Variants in EVA1A observed in about 807,000 individuals in gnomAD.
EVA1A encodes the protein eva-1 homolog A, regulator of programmed cell death, also known as protein eva-1 homolog A.
In EVA1A, 7 loss-of-function variants were observed where a neutral mutation model predicts 9.8. The observed-to-expected ratio is 0.71, with a 90% CI of 0.41 to 1.34. The LOEUF is 1.34. EVA1A is among the 40% of genes most tolerant of loss of function. The pLI is 0.01. For missense variants in EVA1A, 206 were observed against 205.9 expected, an observed-to-expected ratio of 1.00 and a Z score of 0.00; for synonymous variants, 90 against 85.6, an observed-to-expected ratio of 1.05 and a Z score of -0.28.
At position 75,497,751 on chromosome 2, in the gene EVA1A, T is replaced by C. The variant is rs553995562; in HGVS notation, c.86-4142A>G. 2.1e-5 allele frequency among the ~76,000 whole-genome samples: 3 copies of C among 145,394 alleles called. No individual in the cohort carries two copies. The South Asian group carries it at 6.5e-4, about 31-fold the overall frequency. Reference sequence around the variant, plus strand: ...CTGTAGTCCCAGCTACTTCTGGGGCTGAGGCAGGAGGATCGCTTGAGCCAG... The same window carrying C: ...CTGTAGTCCCAGCTACTTCTGGGGCCGAGGCAGGAGGATCGCTTGAGCCAG... On this transcript the variant is annotated intron_variant, in intron 3 of 3. Transcript: ENST00000393913.
Position 75,515,556 on chromosome 2 carries a change from A to C in EVA1A, c.85+2500T>G, listed in dbSNP as rs1572958584. Reference sequence around the variant, plus strand: ...TTGCCCAAAGAGAAATCCAATCAGAACCTTAGTCCCCTTCTTTTTACATAA... The same window carrying C: ...TTGCCCAAAGAGAAATCCAATCAGACCCTTAGTCCCCTTCTTTTTACATAA... On this transcript the variant is annotated intron_variant, in intron 3 of 3. Coordinates refer to ENST00000393913, the MANE Select transcript of EVA1A (RefSeq NM_001135032.2). 3.3e-5 allele frequency among the ~76,000 whole-genome samples: 5 copies of C among 152,284 alleles called. No individual in the cohort carries two copies. The South Asian group carries it at 8.3e-4, about 25-fold the overall frequency.
At chr2:75,564,703 G>A (rs936342279), upstream of EVA1A, among the ~76,000 whole-genome samples, 3 of 152,168 alleles carry the variant, frequency 2.0e-5, no homozygotes, top group Non-Finnish European at 4.4e-5. Context: ...TGACACCACT[G>A]AGCACCACCG....
rs187520041 is a variant in EVA1A at position 75,530,758 on chromosome 2, T to C, written c.-191-8271A>G. Reference sequence around the variant, plus strand: ...AGCATGGTAGGGACATACCTTAAGGTAATAAAAGCCATCTATGACAAACTC... The same window carrying C: ...AGCATGGTAGGGACATACCTTAAGGCAATAAAAGCCATCTATGACAAACTC... On this transcript the variant is annotated intron_variant, in intron 1 of 3. Coordinates refer to ENST00000393913, the MANE Select transcript of EVA1A (RefSeq NM_001135032.2). Among the ~76,000 whole-genome samples, 790 of 152,222 alleles carry C rather than the reference T, an allele frequency of 5.2e-3. 6 individuals carry two copies. The highest frequency in any genetic ancestry group is 0.01 in the Middle Eastern group (3 of 294).
intron 3 of EVA1A, among the ~76,000 whole-genome samples, chr2:75,498,226 G>A (rs1674282159): frequency 6.6e-6 from 1 of 151,484 alleles, no homozygotes. Flanking sequence ...AATTCACACA[G>A]GAATAGAAAA....
chr2:75,566,493 T>A (rs1305929247), intron 1 of EVA1A, among the ~76,000 whole-genome samples: 1 of 152,198 alleles, frequency 6.6e-6, no homozygotes, highest in Non-Finnish European at 1.5e-5. Flanking sequence ...CACAGCTAAG[T>A]TTCCACATGT....
In EVA1A at chr2:75,493,207, T is replaced by C. The variant is rs368241060; in HGVS notation, c.*29A>G. ...CAGACGCTCTCCTTTCCAGGCGGCC[T>C]CCAGTGGTTTCCGGGGTCCTGCTGC... On this transcript the variant is annotated 3_prime_UTR_variant, in exon 4 of 4. Transcript: ENST00000393913. The C allele has an allele frequency of 5.7e-6, 9 of 1,584,284 alleles. No homozygotes were observed. The African/African-American group carries it at 1.2e-4, about 21-fold the overall frequency.
intron 1 of EVA1A, among the ~76,000 whole-genome samples, chr2:75,537,722 G>T (rs1412349234): frequency 6.6e-6 from 1 of 152,154 alleles, no homozygotes; most frequent in Admixed American, 6.5e-5. Context: ...TGCCCTTGTG[G>T]TAATGAGTGG....
At chr2:75,551,386 T>C (rs993119363) in intron 1 of EVA1A, among the ~76,000 whole-genome samples, 5 of 152,222 alleles carry the variant, frequency 3.3e-5, no homozygotes, top group African/African-American at 9.7e-5. Context: ...AATTTCCAAA[T>C]CCGTGAACAT....
intron 1 of EVA1A, among the ~76,000 whole-genome samples, chr2:75,537,795 T>A (rs1322346391): frequency 6.6e-6 from 1 of 152,176 alleles, no homozygotes; most frequent in African/African-American, 2.4e-5. Context: ...TCTCTCTTGC[T>A]CCTTCTTACC....
intron 3 of EVA1A, among the ~76,000 whole-genome samples, chr2:75,496,967 G>T (rs1674233725): frequency 6.6e-6 from 1 of 152,152 alleles, no homozygotes; most frequent in Non-Finnish European, 1.5e-5. Context: ...ATGATTCTAG[G>T]ATAACTGGCT....
upstream of EVA1A, among the ~76,000 whole-genome samples, chr2:75,562,770 G>T (rs889178441): frequency 1.3e-5 from 2 of 152,254 alleles, no homozygotes; most frequent in African/African-American, 4.8e-5. Flanking sequence ...GGGGTTTCCT[G>T]ATGTAATACT....
chr2:75,548,589 C>T (rs1676410255), intron 1 of EVA1A, among the ~76,000 whole-genome samples: 2 of 152,174 alleles, frequency 1.3e-5, no homozygotes, highest in Non-Finnish European at 2.9e-5. Context: ...AATGTCCCTT[C>T]CCTCCGAAGC....
At chr2:75,526,978 C>A (rs1224075909) in intron 1 of EVA1A, among the ~76,000 whole-genome samples, 3 of 152,042 alleles carry the variant, frequency 2.0e-5, no homozygotes, top group Non-Finnish European at 4.4e-5. Context: ...ACACTAAGAA[C>A]CAAGGAGATG....
intron 1 of EVA1A, among the ~76,000 whole-genome samples, chr2:75,546,050 C>CAA (rs1294828536): frequency 1.3e-5 from 2 of 151,930 alleles, no homozygotes; most frequent in Non-Finnish European, 2.9e-5. Flanking sequence ...GAGTGAGGCA[C>CAA]AAAGTGAAAG....
intron 1 of EVA1A, among the ~76,000 whole-genome samples, chr2:75,529,934 A>C (rs972336135): frequency 6.6e-6 from 1 of 152,198 alleles, no homozygotes; most frequent in Non-Finnish European, 1.5e-5. Context: ...AACAAAAAAC[A>C]ATACAAAAGA....
intron 3 of EVA1A, among the ~76,000 whole-genome samples, chr2:75,517,487 T>A (rs1382599927): frequency 3.3e-5 from 5 of 152,204 alleles, no homozygotes; most frequent in Admixed American, 6.5e-5. Flanking sequence ...TTTCAAGAAA[T>A]GATCTTGAGG....
intron 1 of EVA1A, among the ~76,000 whole-genome samples, chr2:75,550,789 C>T (rs1299461923): frequency 6.6e-6 from 1 of 152,188 alleles, no homozygotes; most frequent in African/African-American, 2.4e-5. Context: ...CATGGAGACA[C>T]CTCTCCCAGC....
intron 1 of EVA1A, chr2:75,540,951 C>T (rs6713572): frequency 6.6e-6 from 1 of 152,050 alleles, no homozygotes; most frequent in Non-Finnish European, 1.5e-5. Flanking sequence ...AAACCTGGGA[C>T]GCAGCATGCA....
At chr2:75,506,617 T>G (rs1674629587) in intron 3 of EVA1A, among the ~76,000 whole-genome samples, 1 of 152,222 alleles carries the variant, frequency 6.6e-6, no homozygotes, top group South Asian at 2.1e-4. Flanking sequence ...GCCTCAATTC[T>G]ATGCAGGGAG....
Sources: allele counts gnomAD v4.1 joint callset (sites outside exome capture counted in the v4.1 genomes callset), GRCh38; gene constraint gnomAD v4.1.1; transcripts MANE v1.5; gene names NCBI Gene and HGNC (gene_info 2026-07-23, HGNC 2026-07-21).